The following PRMT8 variants were observed in gnomAD, a reference collection of about 807,000 sequenced individuals.
PRMT8 encodes the protein protein arginine methyltransferase 8.
PRMT8 carries 7 observed loss-of-function variants against 47.1 expected under a neutral mutation model. That is an observed-to-expected ratio of 0.15 (90% CI 0.08 to 0.28). PRMT8 has a LOEUF of 0.28. Ranked by LOEUF, PRMT8 falls within the 10% of genes least tolerant of loss-of-function variation. The pLI is 1.00. For synonymous variants in PRMT8, 188 were observed against 186.5 expected (o/e 1.01, Z -0.07); for missense variants, 237 against 505.4 (o/e 0.47, Z 5.09).
chr12:3,590,423 G>A (rs1170956941), intron 8 of PRMT8, among the ~76,000 whole-genome samples: 4 of 152,150 alleles, frequency 2.6e-5, no homozygotes, highest in African/African-American at 9.7e-5. Context: ...ACCTGCCAGG[G>A]TGGACCTCAG....
intron 1 of PRMT8, among the ~76,000 whole-genome samples, chr12:3,441,581 TC>T (rs1178389473): frequency 6.6e-6 from 1 of 152,212 alleles, no homozygotes; most frequent in East Asian, 1.9e-4. Context: ...CAGAGGGTGC[TC>T]CGTGCTCCAC....
chr12:3,493,424 C>T lies in PRMT8; in HGVS notation c.75+1724C>T, dbSNP rs757539616. The stretch of plus-strand genomic sequence containing the variant: ...GCGAGCGGGCACGTAGCGGTCTCTG[C>T]CAGGTGGCTGGAGCCCTGGAAGCGA... On this transcript the variant is annotated intron_variant, in intron 1 of 9. Transcript: ENST00000382622. This position sits in a 1 kb window ranked among gnomAD's most constrained non-coding sequence, Gnocchi z 8.2. Among the ~76,000 whole-genome samples the T allele has an allele frequency of 6.6e-5, 10 of 152,166 alleles. No individual in the cohort carries two copies. The highest frequency in any genetic ancestry group is 1.3e-4 in the Non-Finnish European group (9 of 68,028).
upstream of PRMT8, among the ~76,000 whole-genome samples, chr12:3,487,012 C>A (rs1865329277): frequency 6.6e-6 from 1 of 152,186 alleles, no homozygotes; most frequent in Admixed American, 6.5e-5. Flanking sequence ...AGGAATAGGA[C>A]CACAGAGGCT....
rs778665061 is a variant in PRMT8, at chr12:3,453,291, C to T, written c.48+71849C>T. Among the ~76,000 whole-genome samples, 6 of 152,178 alleles carry T rather than the reference C, an allele frequency of 3.9e-5. No individual in the cohort carries two copies. Among genetic ancestry groups the T allele is most frequent in the Non-Finnish European group, 7.3e-5 (5 of 68,034 alleles). ...CTCCCTTTACACAGGCCTAATATGA[C>T]CAAACAGCACCCTTAGGACTCCTGG... On this transcript the variant is annotated intron_variant, in intron 1 of 9. Coordinates refer to the PRMT8 transcript ENST00000452611. This position sits in a 1 kb window ranked among gnomAD's most constrained non-coding sequence, Gnocchi z 4.9.
chr12:3,562,918 C>T (rs1480173738), intron 4 of PRMT8, among the ~76,000 whole-genome samples: 1 of 152,136 alleles, frequency 6.6e-6, no homozygotes, highest in Non-Finnish European at 1.5e-5. Flanking sequence ...GAATGGTTTT[C>T]TGAATACCTG....
intron 1 of PRMT8, among the ~76,000 whole-genome samples, chr12:3,444,825 C>T (rs1405965654): frequency 6.6e-6 from 1 of 152,242 alleles, no homozygotes; most frequent in Non-Finnish European, 1.5e-5. Context: ...GGAAAAGCTG[C>T]ATTGGGGCTG....
At chr12:3,587,592 C>T (rs376522655) in intron 8 of PRMT8, among the ~76,000 whole-genome samples, 1 of 152,318 alleles carries the variant, frequency 6.6e-6, no homozygotes, top group Non-Finnish European at 1.5e-5. Flanking sequence ...TCCCACCTCC[C>T]GTATCGCCTC....
intron 1 of PRMT8, among the ~76,000 whole-genome samples, chr12:3,448,947 C>T (rs2137078740): frequency 6.6e-6 from 1 of 152,206 alleles, no homozygotes; most frequent in African/African-American, 2.4e-5. Context: ...TCCATGTGTT[C>T]TCATTGTTCA....
Position 3,572,012 on chromosome 12 carries a change from G to A in PRMT8, c.712+2448G>A, listed in dbSNP as rs1337840731. Reference sequence around the variant, plus strand: ...CCTTTCAGAAAGTAAGTTGTTAGAGGGAGAGCTTTCTTTCCTTTCCTCTCC... The same window carrying A: ...CCTTTCAGAAAGTAAGTTGTTAGAGAGAGAGCTTTCTTTCCTTTCCTCTCC... On this transcript the variant is annotated intron_variant, in intron 6 of 9. Transcript: ENST00000382622. The surrounding 1 kb of genome is among the most constrained non-coding windows in gnomAD (Gnocchi z 5.9). Among the ~76,000 whole-genome samples, 1 of 152,092 alleles carries A rather than the reference G, an allele frequency of 6.6e-6. No homozygotes were observed. Among genetic ancestry groups the A allele is most frequent in the Non-Finnish European group, 1.5e-5 (1 of 68,022 alleles).
At chr12:3,423,520 T>G (rs888171645) in intron 1 of PRMT8, among the ~76,000 whole-genome samples, 1 of 152,216 alleles carries the variant, frequency 6.6e-6, no homozygotes, top group African/African-American at 2.4e-5. Flanking sequence ...AGCTGTGCTT[T>G]TCTTTCCGTG....
intron 8 of PRMT8, among the ~76,000 whole-genome samples, chr12:3,587,018 G>T (rs1001787640): frequency 1.3e-5 from 2 of 152,134 alleles, no homozygotes; most frequent in Admixed American, 6.5e-5. Flanking sequence ...TAGCAGTGGG[G>T]TATACTCAGA....
At chr12:3,398,601 G>T (rs1355809218) in intron 1 of PRMT8, among the ~76,000 whole-genome samples, 3 of 152,140 alleles carry the variant, frequency 2.0e-5, no homozygotes, top group Non-Finnish European at 4.4e-5. Context: ...CTCAGGAGTG[G>T]TGATGACTTC....
intron 1 of PRMT8, among the ~76,000 whole-genome samples, chr12:3,388,639 G>GTCTTAGAGAGATGAAGAAACTGAGTC (rs10655271): frequency 3.0e-4 from 46 of 152,084 alleles, no homozygotes; most frequent in Non-Finnish European, 5.7e-4. Flanking sequence ...AAGAAACTGA[G>GTCTTAGAGAGATGAAGAAACTGAGTC]TTAGAGAGAT....
chr12:3,417,439 C>T, intron 1 of PRMT8, among the ~76,000 whole-genome samples: 1 of 152,144 alleles, frequency 6.6e-6, no homozygotes, highest in East Asian at 1.9e-4. Flanking sequence ...GAGGAGCGTC[C>T]AGCTCTCATG....
intron 1 of PRMT8, among the ~76,000 whole-genome samples, chr12:3,457,428 C>A (rs1565412607): frequency 6.6e-6 from 1 of 152,176 alleles, no homozygotes; most frequent in Non-Finnish European, 1.5e-5. Context: ...CCTACCTCAG[C>A]CTCCTGAGTA....
intron 1 of PRMT8, among the ~76,000 whole-genome samples, chr12:3,539,640 A>G (rs1457781100): frequency 1.3e-5 from 2 of 152,118 alleles, no homozygotes; most frequent in African/African-American, 2.4e-5. Flanking sequence ...CTGGGCTCCA[A>G]TTGCTGTCTC....
chr12:3,475,495 T>C (rs959834442), intron 1 of PRMT8, among the ~76,000 whole-genome samples: 2 of 152,216 alleles, frequency 1.3e-5, no homozygotes, highest in Admixed American at 1.3e-4. Flanking sequence ...TGCCTGTTTT[T>C]AGTTAGAGGG....
intron 1 of PRMT8, among the ~76,000 whole-genome samples, chr12:3,461,641 C>T (rs995787942): frequency 6.6e-6 from 1 of 152,246 alleles, no homozygotes; most frequent in Non-Finnish European, 1.5e-5. Flanking sequence ...CTGAGCGAGA[C>T]TCCCTCCTAT....
At chr12:3,584,050 G>T (rs1011201728) in intron 8 of PRMT8, among the ~76,000 whole-genome samples, 1 of 152,228 alleles carries the variant, frequency 6.6e-6, no homozygotes, top group Non-Finnish European at 1.5e-5. Context: ...GTATCAGTCT[G>T]TGAGGGCAGC....
Sources: allele counts gnomAD v4.1 joint callset (sites outside exome capture counted in the v4.1 genomes callset), GRCh38; gene constraint gnomAD v4.1.1; non-coding constraint Gnocchi (gnomAD v3.1); transcripts MANE v1.5; gene names NCBI Gene and HGNC (gene_info 2026-07-23, HGNC 2026-07-21).